GRID2: variants seen among roughly 807,000 people sequenced by gnomAD.
The protein encoded by GRID2 is glutamate receptor ionotropic, delta-2.
Under a neutral mutation model 114.8 loss-of-function variants are expected in GRID2, and 33 were observed. The ratio of observed to expected loss-of-function variants is 0.29; its 90% CI spans 0.22 to 0.38. The LOEUF is 0.38. Ranked by LOEUF, GRID2 falls within the 10% of genes least tolerant of loss-of-function variation. The pLI, the probability that GRID2 is intolerant of heterozygous loss-of-function variation, is 1.00. For missense variants in GRID2, 1,184 were observed against 1,257.7 expected, an observed-to-expected ratio of 0.94 and a Z score of 0.89; for synonymous variants, 505 against 449.9, an observed-to-expected ratio of 1.12 and a Z score of -1.55.
intron 2 of GRID2, among the ~76,000 whole-genome samples, chr4:92,962,285 T>C (rs1420537183): frequency 1.3e-5 from 2 of 151,650 alleles, no homozygotes; most frequent in African/African-American, 2.4e-5. Flanking sequence ...CTGTTGTAAA[T>C]AGACCTTTAG....
At chr4:93,647,781 C>A (rs1026004157) in intron 14 of GRID2, among the ~76,000 whole-genome samples, 1 of 152,096 alleles carries the variant, frequency 6.6e-6, no homozygotes, top group African/African-American at 2.4e-5. Flanking sequence ...ACATTCCCTA[C>A]AACTAATTTA....
chr4:92,464,361 A>T (rs1241272073), intron 1 of GRID2, among the ~76,000 whole-genome samples: 1 of 152,070 alleles, frequency 6.6e-6, no homozygotes, highest in Non-Finnish European at 1.5e-5. Flanking sequence ...ACACCATCTC[A>T]GTTCAGTTAA....
chr4:92,366,881 C>T (rs887278706), intron 1 of GRID2, among the ~76,000 whole-genome samples: 7 of 151,980 alleles, frequency 4.6e-5, no homozygotes, highest in Non-Finnish European at 1.0e-4. Context: ...TAAAATAAGA[C>T]AGCAGCCTGT....
At chr4:92,461,083 CAT>C (rs1363691716) in intron 1 of GRID2, among the ~76,000 whole-genome samples, 3 of 151,322 alleles carry the variant, frequency 2.0e-5, no homozygotes, top group African/African-American at 4.8e-5. Context: ...GTATATAAAT[CAT>C]ATATTTATAT....
chr4:92,459,149 A>G (rs1335447305), intron 1 of GRID2, among the ~76,000 whole-genome samples: 1 of 152,196 alleles, frequency 6.6e-6, no homozygotes, highest in Non-Finnish European at 1.5e-5. Flanking sequence ...ATAGCAAAAG[A>G]GGTAAAACAG....
intron 4 of GRID2, among the ~76,000 whole-genome samples, chr4:93,116,508 C>G (rs1463985221): frequency 6.6e-6 from 1 of 151,968 alleles, no homozygotes; most frequent in African/African-American, 2.4e-5. Flanking sequence ...TTACTTTTTT[C>G]TTCATCTTTG....
intron 1 of GRID2, among the ~76,000 whole-genome samples, chr4:92,551,221 T>C (rs1726567767): frequency 6.6e-6 from 1 of 151,970 alleles, no homozygotes; most frequent in Non-Finnish European, 1.5e-5. Context: ...TCTAAATCAG[T>C]ATTTCTTTGA....
chr4:92,735,130 A>T (rs1306622913), intron 2 of GRID2, among the ~76,000 whole-genome samples: 1 of 151,978 alleles, frequency 6.6e-6, no homozygotes, highest in African/African-American at 2.4e-5. Context: ...GAACATTTTA[A>T]CATATAATTA....
chr4:93,359,626 G>A (rs554684686), intron 8 of GRID2, among the ~76,000 whole-genome samples: 1 of 150,594 alleles, frequency 6.6e-6, no homozygotes, highest in South Asian at 2.1e-4. Context: ...AAGTTCAATT[G>A]TTTTGATTTT....
chr4:93,025,863 G>T (rs1249142177), intron 2 of GRID2, among the ~76,000 whole-genome samples: 1 of 151,508 alleles, frequency 6.6e-6, no homozygotes, highest in African/African-American at 2.4e-5. Flanking sequence ...GTATTCCTGG[G>T]CTACCTCCAA....
chr4:93,407,757 G>GTCCTCCTCCTCCTCCTCC (rs1417763940), intron 9 of GRID2, among the ~76,000 whole-genome samples: 1 of 21,856 alleles, frequency 4.6e-5, no homozygotes, highest in African/African-American at 1.7e-4. Flanking sequence ...CCTCCTCCTC[G>GTCCTCCTCCTCCTCCTCC]TCCTCCTCCT....
chr4:93,191,407 A>C (rs576812343), intron 4 of GRID2, among the ~76,000 whole-genome samples: 58 of 152,188 alleles, frequency 3.8e-4, no homozygotes, highest in African/African-American at 1.3e-3. Flanking sequence ...GAGATTCTTT[A>C]TGGCCCTTAT....
chr4:92,962,275 CT>C (rs1179120828), intron 2 of GRID2, among the ~76,000 whole-genome samples: 2 of 151,522 alleles, frequency 1.3e-5, no homozygotes, highest in African/African-American at 2.4e-5. Context: ...GTAAGTAGAA[CT>C]GTTGTAAATA....
At chr4:93,125,743 A>G (rs1378136287) in intron 4 of GRID2, among the ~76,000 whole-genome samples, 4 of 152,176 alleles carry the variant, frequency 2.6e-5, no homozygotes, top group Non-Finnish European at 4.4e-5. Context: ...AATTATTGTA[A>G]TGAATAAGCA....
intron 3 of GRID2, among the ~76,000 whole-genome samples, chr4:93,089,532 G>A (rs1190829738): frequency 6.6e-6 from 1 of 152,088 alleles, no homozygotes; most frequent in East Asian, 1.9e-4. Context: ...ATTTGAGAAA[G>A]CCACCTGGCT....
chr4:93,336,986 A>T (rs1241285586), intron 8 of GRID2, among the ~76,000 whole-genome samples: 2 of 152,146 alleles, frequency 1.3e-5, no homozygotes, highest in African/African-American at 4.8e-5. Context: ...AAGCAATTCA[A>T]ATCTTTACTT....
rs1740399989 is a variant in GRID2, at chr4:93,186,175, T to C, written c.736-21229T>C. Among the ~76,000 whole-genome samples, 3 of 152,290 alleles carry C rather than the reference T, an allele frequency of 2.0e-5. No homozygotes were observed. The South Asian group carries it at 6.2e-4, about 32-fold the overall frequency. ...GATGGACATTTGGGTTGGTTCCAAG[T>C]CTTTGCTATTGTGAATAGTGCCGCA... On this transcript the variant is annotated intron_variant, in intron 4 of 15. Coordinates refer to ENST00000282020, the MANE Select transcript of GRID2 (RefSeq NM_001510.4).
At chr4:92,549,454 A>G (rs1396743505) in intron 1 of GRID2, among the ~76,000 whole-genome samples, 6 of 152,122 alleles carry the variant, frequency 3.9e-5, no homozygotes, top group Non-Finnish European at 5.9e-5. Context: ...ATTCACACAC[A>G]TCACACACAC....
intron 2 of GRID2, among the ~76,000 whole-genome samples, chr4:92,928,668 C>T (rs77818177): frequency 0.034 from 5,081 of 151,528 alleles, 110 homozygotes; most frequent in South Asian, 0.07. Context: ...AGTGATATTT[C>T]GCTTTAGTAC....
Sources: gnomAD v4.1 joint callset for allele counts (sites outside exome capture counted in the v4.1 genomes callset) on GRCh38, gnomAD v4.1.1 for gene constraint, MANE v1.5 for transcripts, NCBI Gene and HGNC (gene_info 2026-07-23, HGNC 2026-07-21) for gene names.